Variants in PCDH15 observed in about 807,000 individuals in gnomAD.
PCDH15 encodes protocadherin related 15.
Under a neutral mutation model 178.5 loss-of-function variants are expected in PCDH15, and 129 were observed. That is an observed-to-expected ratio of 0.72 (90% CI 0.63 to 0.84). The LOEUF (loss-of-function observed/expected upper bound fraction) is 0.84. Among genes scored for constraint, PCDH15 ranks in the 40% least tolerant of loss-of-function variants. The pLI, the probability that PCDH15 is intolerant of heterozygous loss-of-function variation, is 0.00. For synonymous variants in PCDH15, 800 were observed against 732.0 expected (o/e 1.09, Z -1.50); for missense variants, 2,230 against 2,099.9 (o/e 1.06, Z -1.21).
chr10:55,002,986 T>C (rs1243248479), intron 2 of PCDH15, among the ~76,000 whole-genome samples: 1 of 152,182 alleles, frequency 6.6e-6, no homozygotes, highest in Non-Finnish European at 1.5e-5. Context: ...TGAGGTGGTT[T>C]TAATTTTCCT....
At chr10:54,512,588 GT>G (rs932649751) in intron 3 of PCDH15, among the ~76,000 whole-genome samples, 1 of 151,896 alleles carries the variant, frequency 6.6e-6, no homozygotes, top group African/African-American at 2.4e-5. Flanking sequence ...TGGCAAATGG[GT>G]TTTTTCCTCA....
chr10:53,828,278 C>T (rs549409180), intron 31 of PCDH15, among the ~76,000 whole-genome samples: 1 of 144,522 alleles, frequency 6.9e-6, no homozygotes, highest in Admixed American at 6.9e-5. Flanking sequence ...GTTACAGCTA[C>T]ACTGCTGTTT....
chr10:53,938,885 T>C lies in PCDH15; in HGVS notation c.3303A>G (p.Thr1101=), dbSNP rs1395436451. 2 of 1,613,460 alleles carry C rather than the reference T, an allele frequency of 1.2e-6. No homozygotes were observed. The highest frequency in any genetic ancestry group is 1.3e-5 in the African/African-American group (1 of 74,900). Reference sequence around the variant, plus strand: ...CAGCTTGGACTCGAAGTACATAGCTTGTCCTGGTCTCATAATCCAGAGGTC... The same window carrying C: ...CAGCTTGGACTCGAAGTACATAGCTCGTCCTGGTCTCATAATCCAGAGGTC... ...VNGPLDYETR[T]SYVLRVQADS... The change falls in exon 25 of 38, where the codon ACA becomes ACG. Residue 1101 remains threonine (T), a synonymous_variant. Coordinates refer to ENST00000644397, the MANE Select transcript of PCDH15 (RefSeq NM_001384140.1).
chr10:54,166,032 T>C (rs1018830764), intron 13 of PCDH15, among the ~76,000 whole-genome samples: 2 of 152,198 alleles, frequency 1.3e-5, no homozygotes, highest in Non-Finnish European at 2.9e-5. Context: ...CAACATATAT[T>C]TGACTTAGTA....
intron 2 of PCDH15, among the ~76,000 whole-genome samples, chr10:55,419,197 G>A (rs543750452): frequency 5.9e-5 from 9 of 151,774 alleles, no homozygotes; most frequent in African/African-American, 2.2e-4. Context: ...TGGGGAGGGA[G>A]GCCAGTTTGA....
At chr10:55,607,932 A>G (rs981741524) in intron 2 of PCDH15, among the ~76,000 whole-genome samples, 4 of 151,550 alleles carry the variant, frequency 2.6e-5, no homozygotes, top group South Asian at 4.2e-4. Flanking sequence ...ACAGAGACAG[A>G]GAGAGAGAGA....
At chr10:54,690,095 T>A (rs958318480) in intron 1 of PCDH15, among the ~76,000 whole-genome samples, 1 of 152,048 alleles carries the variant, frequency 6.6e-6, no homozygotes, top group Admixed American at 6.6e-5. Flanking sequence ...TCCCTTAAGA[T>A]TGGAATGGAG....
intron 1 of PCDH15, among the ~76,000 whole-genome samples, chr10:54,774,007 CTTTTTTTTTTTTTTTTTTTTTT>C (rs763704132): frequency 0.011 from 804 of 75,376 alleles, 16 homozygotes; most frequent in South Asian, 0.016. Flanking sequence ...ACTTCATAGG[CTTTTTTTTTTTTTTTTTTTTTT>C]TTTTTTTTTT....
chr10:53,980,839 T>C (rs2090577930), intron 21 of PCDH15, among the ~76,000 whole-genome samples: 1 of 152,214 alleles, frequency 6.6e-6, no homozygotes, highest in African/African-American at 2.4e-5. Flanking sequence ...ACATGATTTA[T>C]GACATCTATT....
At chr10:54,731,545 G>GATATATATATATATATAT (rs1167781763) in intron 1 of PCDH15, among the ~76,000 whole-genome samples, 76 of 80,262 alleles carry the variant, frequency 9.5e-4, no homozygotes, top group African/African-American at 2.8e-3. Flanking sequence ...ATGTGAGATA[G>GATATATATATATATATAT]ATATATATAT....
chr10:55,143,078 C>T (rs1838397435), intron 2 of PCDH15, among the ~76,000 whole-genome samples: 1 of 152,062 alleles, frequency 6.6e-6, no homozygotes, highest in Non-Finnish European at 1.5e-5. Flanking sequence ...TTCCCCTGCT[C>T]GCGCTCGCGC....
intron 2 of PCDH15, among the ~76,000 whole-genome samples, chr10:55,140,611 G>A (rs554376832): frequency 6.0e-4 from 91 of 151,992 alleles, no homozygotes; most frequent in Non-Finnish European, 9.3e-4. Flanking sequence ...TTTGATATCA[G>A]AGAAATACTA....
Position 54,577,842 on chromosome 10 carries a change from CTAAATAAATGAATAAATAAA to C in PCDH15, c.92-49985_92-49966del, listed in dbSNP as rs754304181. Among the ~76,000 whole-genome samples, 679 of 144,864 alleles carry C rather than the reference CTAAATAAATGAATAAATAAA, an allele frequency of 4.7e-3. 4 individuals are homozygous for C. The highest frequency in any genetic ancestry group is 0.012 in the African/African-American group (460 of 39,140). On this transcript the variant is annotated intron_variant, in intron 2 of 37. Transcript: ENST00000644397. ...CCTTGAGGCCAGTTCCTGTTTAAGC[CTAAATAAATGAATAAATAAA>C]TAAATAAATAAATAAATAAATAAAT...
chr10:55,482,096 T>C (rs1054438343), intron 2 of PCDH15, among the ~76,000 whole-genome samples: 5 of 151,850 alleles, frequency 3.3e-5, no homozygotes, highest in Non-Finnish European at 7.4e-5. Flanking sequence ...TTTTTGGCTT[T>C]TTTGATCTTT....
intron 1 of PCDH15, among the ~76,000 whole-genome samples, chr10:54,665,496 G>A (rs953741732): frequency 3.9e-5 from 6 of 152,076 alleles, no homozygotes; most frequent in South Asian, 2.1e-4. Context: ...ACAAAGGCAC[G>A]ATTTTAATTC....
At chr10:55,106,307 G>T (rs1842673066) in intron 2 of PCDH15, among the ~76,000 whole-genome samples, 1 of 152,016 alleles carries the variant, frequency 6.6e-6, no homozygotes, top group African/African-American at 2.4e-5. Flanking sequence ...GCACAGTAAG[G>T]GTTTCTGTTG....
intron 1 of PCDH15, 55 bp downstream of exon 1, chr10:54,800,870 T>C (rs557091083): frequency 1.1e-4 from 17 of 152,266 alleles, no homozygotes; most frequent in Non-Finnish European, 5.9e-5. Context: ...TTCTCTGTGG[T>C]TCACTGCTGC....
At position 54,866,465 on chromosome 10, in the gene PCDH15, G is replaced by T. The variant is rs532296361; in HGVS notation, c.-29+30985C>A. 5.6e-4 allele frequency among the ~76,000 whole-genome samples: 85 copies of T among 152,084 alleles called. 2 individuals carry two copies. In the South Asian group the frequency reaches 0.017, roughly 31 times the overall value. ...ATGTTTGCAGACAATTCTTTAGAAC[G>T]GCTATAAGCACCTTGTTGTTAGCAC... On this transcript the variant is annotated intron_variant, in intron 3 of 5. Transcript: ENST00000458638.
chr10:54,922,502 T>C (rs1321659303), intron 2 of PCDH15, among the ~76,000 whole-genome samples: 1 of 152,042 alleles, frequency 6.6e-6, no homozygotes, highest in Non-Finnish European at 1.5e-5. Context: ...AGATAAGATT[T>C]TGGACTTGGA....
Sources: allele counts gnomAD v4.1 joint callset (sites outside exome capture counted in the v4.1 genomes callset), GRCh38; gene constraint gnomAD v4.1.1; transcripts MANE v1.5; gene names NCBI Gene and HGNC (gene_info 2026-07-23, HGNC 2026-07-21).